Variants in PKHD1 observed in about 807,000 individuals in gnomAD.
PKHD1 encodes PKHD1 ciliary IPT domain containing fibrocystin/polyductin.
A neutral mutation model predicts 412.0 loss-of-function variants in PKHD1; 291 were observed. The ratio of observed to expected loss-of-function variants is 0.71; its 90% CI spans 0.64 to 0.78. The LOEUF (loss-of-function observed/expected upper bound fraction) is 0.78, where lower values mean the gene tolerates loss of function less well. Among genes scored for constraint, PKHD1 ranks in the 30% least tolerant of loss-of-function variants. The probability of loss-of-function intolerance (pLI) is 0.00; values close to 1 mark genes in which losing one functional copy is unlikely to be tolerated. For missense variants in PKHD1, 4,825 were observed against 4,950.7 expected (o/e 0.97, Z 0.76); for synonymous variants, 1,777 against 1,821.5 (o/e 0.98, Z 0.62).
Position 51,626,873 on chromosome 6 carries a change from G to T in PKHD1, c.11785+124C>A. 3 of 963,648 alleles carry T rather than the reference G, an allele frequency of 3.1e-6. No homozygotes were observed. The South Asian group carries it at 4.0e-5, about 13-fold the overall frequency. 59.7% of individuals were successfully genotyped at this position (963,648 alleles called of 1,614,324 possible). A position where few individuals can be genotyped will look rare whatever the true frequency, so the allele number is the denominator to read the frequency against. On this transcript the variant is annotated intron_variant, in intron 66 of 66. Transcript: ENST00000371117. ...TGGGGTATAATTTCTTTGAAGGAAA[G>T]TAACAAAGACTAAGAAGGGGCTATA...
At chr6:51,823,192 T>A (rs1766741086) in intron 52 of PKHD1, among the ~76,000 whole-genome samples, 1 of 152,056 alleles carries the variant, frequency 6.6e-6, no homozygotes, top group South Asian at 2.1e-4. Context: ...CAACAGAAGG[T>A]GCCCAATACG....
chr6:51,820,752 G>A (rs965677845), intron 52 of PKHD1, among the ~76,000 whole-genome samples: 2 of 152,030 alleles, frequency 1.3e-5, no homozygotes, highest in Admixed American at 6.6e-5. Flanking sequence ...GCCCCTGCTG[G>A]CCTGCCTGTA....
chr6:51,847,406 A>T (rs189286957), intron 50 of PKHD1, among the ~76,000 whole-genome samples: 142 of 152,210 alleles, frequency 9.3e-4, no homozygotes, highest in Non-Finnish European at 1.5e-3. Context: ...CCTAAGATGA[A>T]TTAAAGATAT....
intron 60 of PKHD1, among the ~76,000 whole-genome samples, chr6:51,711,866 G>T (rs1780697459): frequency 6.6e-6 from 1 of 152,174 alleles, no homozygotes; most frequent in African/African-American, 2.4e-5. Context: ...TTGCAAATAT[G>T]AGGCATCTCC....
intron 34 of PKHD1, among the ~76,000 whole-genome samples, chr6:52,013,772 A>G (rs1002729840): frequency 6.6e-6 from 1 of 152,140 alleles, no homozygotes; most frequent in Non-Finnish European, 1.5e-5. Flanking sequence ...CTCCCAAACT[A>G]TTGTTCTTTA....
At chr6:51,967,472 G>T (rs1285884498) in intron 35 of PKHD1, among the ~76,000 whole-genome samples, 1 of 152,142 alleles carries the variant, frequency 6.6e-6, no homozygotes, top group Non-Finnish European at 1.5e-5. Flanking sequence ...ATTGAAAATA[G>T]GTAATTATAA....
At chr6:51,786,337 T>G (rs1792849829) in intron 53 of PKHD1, among the ~76,000 whole-genome samples, 1 of 152,196 alleles carries the variant, frequency 6.6e-6, no homozygotes, top group African/African-American at 2.4e-5. Context: ...CTTACTTCAC[T>G]CCCTGACGAT....
At chr6:51,715,689 G>A (rs1781171915) in intron 60 of PKHD1, among the ~76,000 whole-genome samples, 1 of 152,066 alleles carries the variant, frequency 6.6e-6, no homozygotes, top group South Asian at 2.1e-4. Context: ...CCACCACTTG[G>A]GAGGACATGG....
At chr6:51,854,045 C>A (rs564842080) in intron 49 of PKHD1, among the ~76,000 whole-genome samples, 1 of 152,112 alleles carries the variant, frequency 6.6e-6, no homozygotes, top group Admixed American at 6.5e-5. Context: ...TCTTTTTCAT[C>A]CTTTTGAGCT....
intron 49 of PKHD1, among the ~76,000 whole-genome samples, chr6:51,849,033 C>A (rs757410836): frequency 6.6e-5 from 10 of 151,498 alleles, no homozygotes; most frequent in Non-Finnish European, 1.2e-4. Flanking sequence ...ATTGACCCAT[C>A]CTCTAAGTTC....
At chr6:52,066,659 G>T in intron 11 of PKHD1, among the ~76,000 whole-genome samples, 1 of 152,168 alleles carries the variant, frequency 6.6e-6, no homozygotes, top group East Asian at 1.9e-4. Flanking sequence ...TTGGGAGGCC[G>T]AAGCGAGTGG....
At chr6:52,031,610 ACTAATG>A in intron 29 of PKHD1, among the ~76,000 whole-genome samples, 1 of 152,312 alleles carries the variant, frequency 6.6e-6, no homozygotes, top group Admixed American at 6.5e-5. Flanking sequence ...AGAAACCAAC[ACTAATG>A]GTCCTGCACA....
chr6:51,634,794 G>A (rs947251903), intron 64 of PKHD1, among the ~76,000 whole-genome samples: 2 of 152,196 alleles, frequency 1.3e-5, no homozygotes, highest in Admixed American at 6.5e-5. Flanking sequence ...GGAGACTTAC[G>A]CAGGAAAGTA....
chr6:51,920,970 C>A (rs1408966549), intron 37 of PKHD1, among the ~76,000 whole-genome samples: 1 of 152,000 alleles, frequency 6.6e-6, no homozygotes, highest in Non-Finnish European at 1.5e-5. Context: ...GTGGTGGTAT[C>A]CCCTTTATCA....
chr6:52,074,209 C>T (rs1332492681), intron 6 of PKHD1, among the ~76,000 whole-genome samples: 1 of 152,148 alleles, frequency 6.6e-6, no homozygotes, highest in Non-Finnish European at 1.5e-5. Flanking sequence ...AAGACTGAGC[C>T]TCTTTATAGA....
At position 51,649,230 on chromosome 6, in the gene PKHD1, A is replaced by C. The variant is rs373424543; in HGVS notation, c.11175-10T>G. The C allele has an allele frequency of 6.5e-5, 104 of 1,601,198 alleles. No homozygotes were observed. Among genetic ancestry groups the C allele is most frequent in the Non-Finnish European group, 8.0e-5 (93 of 1,168,854 alleles). On this transcript the variant is annotated splice_polypyrimidine_tract_variant and intron_variant, in intron 61 of 66. Coordinates refer to ENST00000371117, the MANE Select transcript of PKHD1 (RefSeq NM_138694.4). ...AAAACTGCTTGTATTTCTGACAGATATAAAAACAAACAAAATACATCCTTA... is the reference window on the plus strand; with the variant it reads ...AAAACTGCTTGTATTTCTGACAGATCTAAAAACAAACAAAATACATCCTTA...
rs377616372 is a variant in PKHD1 at position 51,627,154 on chromosome 6, G to GATAAAAAGAACATTTTTAT, written c.11666-39_11666-38insATAAAAATGTTCTTTTTAT. On this transcript the variant is annotated intron_variant, in intron 65 of 66. Coordinates refer to ENST00000371117, the MANE Select transcript of PKHD1 (RefSeq NM_138694.4). ...AGAAGAAAAAGGATTTTTTTGTTCA[G>GATAAAAAGAACATTTTTAT]TTGTAAGTGGGACCATCAGCATTTA... 0.027 allele frequency: 43,620 copies of GATAAAAAGAACATTTTTAT among 1,597,304 alleles called. 893 individuals are homozygous for GATAAAAAGAACATTTTTAT. Among genetic ancestry groups the GATAAAAAGAACATTTTTAT allele is most frequent in the African/African-American group, 0.091 (6,798 of 74,354 alleles).
chr6:52,008,834 G>A (rs1410424462), intron 35 of PKHD1, among the ~76,000 whole-genome samples: 1 of 152,098 alleles, frequency 6.6e-6, no homozygotes, highest in Admixed American at 6.6e-5. Flanking sequence ...AGAAGCAAGT[G>A]ATGTATTCAA....
At chr6:51,784,745 T>C (rs972607396) in intron 53 of PKHD1, among the ~76,000 whole-genome samples, 1 of 152,154 alleles carries the variant, frequency 6.6e-6, no homozygotes, top group Non-Finnish European at 1.5e-5. Context: ...AGGGGCTGCC[T>C]TTCTGCCTCA....
Sources: allele counts gnomAD v4.1 joint callset (sites outside exome capture counted in the v4.1 genomes callset), GRCh38; gene constraint gnomAD v4.1.1; transcripts MANE v1.5; gene names NCBI Gene and HGNC (gene_info 2026-07-23, HGNC 2026-07-21).